DUSP16: variants seen among roughly 807,000 people sequenced by gnomAD.
DUSP16 encodes the protein dual specificity protein phosphatase 16.
DUSP16 carries 21 observed loss-of-function variants against 58.3 expected under a neutral mutation model. The observed-to-expected ratio is 0.36, with a 90% confidence interval of 0.26 to 0.52. The LOEUF (loss-of-function observed/expected upper bound fraction) is 0.52, where lower values mean the gene tolerates loss of function less well. Ranked by LOEUF, DUSP16 falls within the 20% of genes least tolerant of loss-of-function variation. DUSP16 has a pLI of 0.94. For synonymous variants in DUSP16, 320 were observed against 323.8 expected (o/e 0.99, Z 0.12); for missense variants, 726 against 819.0 (o/e 0.89, Z 1.39).
At chr12:12,485,795 T>A (rs1943671747) in intron 5 of DUSP16, among the ~76,000 whole-genome samples, 1 of 89,770 alleles carries the variant, frequency 1.1e-5, no homozygotes. Flanking sequence ...ACTTTTTTTT[T>A]TTTTTTTTTT....
At chr12:12,534,124 T>A (rs1005428932) in intron 1 of DUSP16, among the ~76,000 whole-genome samples, 4 of 152,160 alleles carry the variant, frequency 2.6e-5, no homozygotes, top group African/African-American at 9.7e-5. Context: ...AATCCCACAG[T>A]ATGCAGGAGA....
chr12:12,489,419 G>T (rs922659330), intron 4 of DUSP16, among the ~76,000 whole-genome samples: 2 of 152,156 alleles, frequency 1.3e-5, no homozygotes, highest in African/African-American at 4.8e-5. Context: ...ACTGATTCAG[G>T]ATCACTCATG....
At position 12,476,642 on chromosome 12, in the gene DUSP16, G is replaced by GT. The variant is rs1317999774; in HGVS notation, c.*190dup. ...TGCCCTTCCATTTTTGTTGAGAGAA[G>GT]TATTAGCTGATCTCTCAAATGCAGA... On this transcript the variant is annotated 3_prime_UTR_variant, in exon 7 of 7. Transcript: ENST00000298573. 10 of 539,514 alleles carry GT rather than the reference G, an allele frequency of 1.9e-5. No homozygotes were observed. The East Asian group carries it at 3.1e-4, about 17-fold the overall frequency. 33.4% of individuals were successfully genotyped at this position (539,514 alleles called of 1,614,324 possible).
At chr12:12,519,733 A>G (rs1337459849) in intron 3 of DUSP16, 129 bp downstream of exon 3, 129 of 897,314 alleles carry the variant, frequency 1.4e-4, no homozygotes, top group Non-Finnish European at 3.0e-5. Context: ...ACATCAATCA[A>G]AAGCTATAAA....
intron 4 of DUSP16, among the ~76,000 whole-genome samples, chr12:12,490,426 C>T (rs1943746789): frequency 6.6e-6 from 1 of 151,848 alleles, no homozygotes; most frequent in Non-Finnish European, 1.5e-5. Context: ...AAAAAAAACC[C>T]TTAAATACTT....
intron 4 of DUSP16, among the ~76,000 whole-genome samples, chr12:12,499,267 T>A (rs1205769381): frequency 6.6e-6 from 1 of 152,194 alleles, no homozygotes; most frequent in African/African-American, 2.4e-5. Flanking sequence ...TAGGAATGCA[T>A]GGGACTTTAA....
intron 1 of DUSP16, among the ~76,000 whole-genome samples, chr12:12,528,841 C>CAACG (rs1555167865): frequency 2.6e-5 from 4 of 151,802 alleles, no homozygotes; most frequent in Admixed American, 2.6e-4. Context: ...AAAAATAGAG[C>CAACG]AAGAGCAAAG....
chr12:12,518,929 C>T (rs2136230691), intron 3 of DUSP16, among the ~76,000 whole-genome samples: 1 of 152,266 alleles, frequency 6.6e-6, no homozygotes, highest in African/African-American at 2.4e-5. Flanking sequence ...TCTAAACCTG[C>T]CCAGAGTTTA....
rs1345748205 is a variant in DUSP16, at chr12:12,562,792, G to A, written c.-1041C>T. ...TCCCGCGGCCGCCCGAGCCCGGAGCGCGGCTCCGCGCCTCGTTCCGGCCGC... is the reference window on the plus strand; with the variant it reads ...TCCCGCGGCCGCCCGAGCCCGGAGCACGGCTCCGCGCCTCGTTCCGGCCGC... On this transcript the variant is annotated 5_prime_UTR_variant, in exon 1 of 7. Transcript: ENST00000298573. Among the ~76,000 whole-genome samples, 1 of 151,496 alleles carries A rather than the reference G, an allele frequency of 6.6e-6. No homozygotes were observed. The highest frequency in any genetic ancestry group is 2.1e-4 in the South Asian group (1 of 4,832).
chr12:12,543,355 T>C lies in DUSP16; in HGVS notation c.-366+18762A>G, dbSNP rs114426666. Among the ~76,000 whole-genome samples the C allele has an allele frequency of 1.8e-3, 279 of 152,280 alleles. 2 individuals carry two copies. The highest frequency in any genetic ancestry group is 6.5e-3 in the African/African-American group (271 of 41,538). ...ATGGTTCAGAAAAATGTATCATATA[T>C]AAATATGAAGAGAGAGCAAGTAATA... On this transcript the variant is annotated intron_variant, in intron 1 of 6. Transcript: ENST00000298573.
At chr12:12,519,030 T>A (rs1944192492) in intron 3 of DUSP16, among the ~76,000 whole-genome samples, 1 of 152,256 alleles carries the variant, frequency 6.6e-6, no homozygotes, top group African/African-American at 2.4e-5. Context: ...TCACTGAAGC[T>A]GAATCCGCCC....
intron 5 of DUSP16, among the ~76,000 whole-genome samples, chr12:12,480,582 A>C (rs374596306): frequency 1.6e-4 from 25 of 152,300 alleles, no homozygotes; most frequent in African/African-American, 5.8e-4. Flanking sequence ...GCAATTCGTT[A>C]ATAAGCAAGC....
In DUSP16 at chr12:12,521,417, T is replaced by C. The variant is rs1345747309; in HGVS notation, c.-319A>G. On this transcript the variant is annotated 5_prime_UTR_variant, in exon 2 of 7. Coordinates refer to ENST00000298573, the MANE Select transcript of DUSP16 (RefSeq NM_030640.3). ...GAGCAGCCAGCGCATTACATCATTC[T>C]TTACCTTTGCTCCCGCGCTCCAACA... 1.0e-5 allele frequency: 12 copies of C among 1,204,916 alleles called. No individual in the cohort carries two copies. The highest frequency in any genetic ancestry group is 1.1e-5 in the Non-Finnish European group (11 of 961,942). The allele number at this position is 1,204,916 out of a possible 1,614,324, so 74.6% of individuals were successfully genotyped here.
At chr12:12,502,476 T>C (rs573459756) in intron 3 of DUSP16, among the ~76,000 whole-genome samples, 3 of 152,192 alleles carry the variant, frequency 2.0e-5, no homozygotes, top group South Asian at 4.2e-4. Context: ...AATACATGGA[T>C]CCATTATAGA....
At chr12:12,511,095 T>G (rs1944071957) in intron 3 of DUSP16, among the ~76,000 whole-genome samples, 1 of 152,238 alleles carries the variant, frequency 6.6e-6, no homozygotes, top group African/African-American at 2.4e-5. Context: ...TAATCTGAAT[T>G]AGTTAAAAAC....
intron 1 of DUSP16, among the ~76,000 whole-genome samples, chr12:12,545,963 T>G (rs1280549854): frequency 6.6e-6 from 1 of 152,206 alleles, no homozygotes; most frequent in African/African-American, 2.4e-5. Context: ...ATATTTAATA[T>G]GTGGATTCTG....
intron 4 of DUSP16, among the ~76,000 whole-genome samples, chr12:12,487,947 T>C (rs866062679): frequency 9.9e-5 from 15 of 152,220 alleles, no homozygotes; most frequent in African/African-American, 3.6e-4. Context: ...ACCTCTTCCA[T>C]TGATCCTCTC....
At chr12:12,536,525 A>C (rs1944465155) in intron 1 of DUSP16, among the ~76,000 whole-genome samples, 1 of 150,968 alleles carries the variant, frequency 6.6e-6, no homozygotes, top group Admixed American at 6.6e-5. Context: ...CTGATGGATC[A>C]CCTGAAGTTA....
intron 3 of DUSP16, among the ~76,000 whole-genome samples, chr12:12,510,250 A>C (rs902800375): frequency 2.6e-5 from 4 of 152,198 alleles, no homozygotes; most frequent in Admixed American, 6.5e-5. Flanking sequence ...AATCATCATC[A>C]AAATGGATAA....
Sources: allele counts gnomAD v4.1 joint callset (sites outside exome capture counted in the v4.1 genomes callset), GRCh38; gene constraint gnomAD v4.1.1; transcripts MANE v1.5; gene names NCBI Gene and HGNC (gene_info 2026-07-23, HGNC 2026-07-21).